Variants in MEMO1 observed in about 807,000 individuals in gnomAD.
The protein encoded by MEMO1 is mediator of cell motility 1.
In MEMO1, 6 loss-of-function variants were observed where a neutral mutation model predicts 45.2. The ratio of observed to expected loss-of-function variants is 0.13; its 90% confidence interval spans 0.07 to 0.26. MEMO1 has a LOEUF of 0.26. Among genes scored for constraint, MEMO1 ranks in the 10% least tolerant of loss-of-function variants. The pLI is 1.00. For synonymous variants in MEMO1, 78 were observed against 124.3 expected (o/e 0.63, Z 2.48); for missense variants, 184 against 370.5 (o/e 0.50, Z 4.13).
intron 2 of MEMO1, among the ~76,000 whole-genome samples, chr2:31,960,427 T>C (rs1207432923): frequency 6.6e-6 from 1 of 152,154 alleles, no homozygotes; most frequent in Non-Finnish European, 1.5e-5. Context: ...TCCTGTTTAC[T>C]GTAGCAAAAC....
At chr2:31,877,583 G>C (rs1353808627) in intron 8 of MEMO1, among the ~76,000 whole-genome samples, 1 of 152,172 alleles carries the variant, frequency 6.6e-6, no homozygotes, top group South Asian at 2.1e-4. Context: ...AGTGAGGGAA[G>C]ACTGTACTGG....
chr2:31,982,919 G>C (rs1367477807), intron 2 of MEMO1, among the ~76,000 whole-genome samples: 1 of 151,972 alleles, frequency 6.6e-6, no homozygotes, highest in Non-Finnish European at 1.5e-5. Context: ...TAGAGTTGGA[G>C]AAATGAGTAC....
intron 2 of MEMO1, among the ~76,000 whole-genome samples, chr2:31,997,764 G>A (rs915342089): frequency 4.6e-5 from 7 of 152,182 alleles, no homozygotes; most frequent in African/African-American, 1.7e-4. Context: ...GTGGTAAGAA[G>A]TTGGAATGTG....
chr2:31,992,873 A>G (rs1672118903), intron 2 of MEMO1, among the ~76,000 whole-genome samples: 1 of 152,210 alleles, frequency 6.6e-6, no homozygotes, highest in South Asian at 2.1e-4. Flanking sequence ...AAAAAACACT[A>G]AAGATAATAA....
At chr2:31,869,285 C>A (rs1413764973) in intron 9 of MEMO1, among the ~76,000 whole-genome samples, 1 of 152,046 alleles carries the variant, frequency 6.6e-6, no homozygotes, top group Non-Finnish European at 1.5e-5. Flanking sequence ...GTCATATTTT[C>A]ATTCAAGAAA....
chr2:31,880,171 C>T (rs1487773924), intron 8 of MEMO1, among the ~76,000 whole-genome samples: 1 of 152,120 alleles, frequency 6.6e-6, no homozygotes, highest in Non-Finnish European at 1.5e-5. Flanking sequence ...TACCCATTAA[C>T]CATTTGCTTT....
chr2:31,939,808 T>C (rs1445644539), intron 3 of MEMO1, among the ~76,000 whole-genome samples: 8 of 152,310 alleles, frequency 5.3e-5, no homozygotes, highest in East Asian at 1.9e-4. Flanking sequence ...CCTTACCATA[T>C]AGATACTATC....
chr2:31,919,535 G>A (rs1296185881), intron 5 of MEMO1, among the ~76,000 whole-genome samples: 1 of 151,984 alleles, frequency 6.6e-6, no homozygotes, highest in Non-Finnish European at 1.5e-5. Context: ...AATATAATTT[G>A]AGGCCAGGTA....
intron 3 of MEMO1, among the ~76,000 whole-genome samples, chr2:31,933,348 A>ATATATATATATATAT (rs869203385): frequency 3.1e-4 from 5 of 16,176 alleles, no homozygotes; most frequent in African/African-American, 9.7e-4. Flanking sequence ...AAAAAAAAAA[A>ATATATATATATATAT]ATTTATATAT....
intron 2 of MEMO1, among the ~76,000 whole-genome samples, chr2:31,983,847 G>T (rs1289705472): frequency 1.3e-5 from 2 of 152,314 alleles, no homozygotes; most frequent in East Asian, 3.9e-4. Flanking sequence ...GAAGCATCTT[G>T]AAGAAAGCAA....
At chr2:31,996,517 C>T (rs571563126) in intron 2 of MEMO1, among the ~76,000 whole-genome samples, 1 of 152,026 alleles carries the variant, frequency 6.6e-6, no homozygotes, top group Admixed American at 6.6e-5. Context: ...GCACTCCAGC[C>T]TGGGCAACAG....
chr2:31,933,351 TTATATATATA>T (rs370773425), intron 3 of MEMO1, among the ~76,000 whole-genome samples: 635 of 45,072 alleles, frequency 0.014, 28 homozygotes, highest in Middle Eastern at 0.11. Context: ...AAAAAAAAAT[TTATATATATA>T]TATATATATA....
chr2:31,906,742 C>T (rs555746707), intron 6 of MEMO1, among the ~76,000 whole-genome samples: 95 of 152,276 alleles, frequency 6.2e-4, no homozygotes, highest in Non-Finnish European at 8.1e-4. Flanking sequence ...TCAATTCCCT[C>T]CATAATCTGG....
At chr2:31,878,227 G>C (rs1270438971) in intron 8 of MEMO1, among the ~76,000 whole-genome samples, 3 of 152,082 alleles carry the variant, frequency 2.0e-5, no homozygotes, top group Non-Finnish European at 4.4e-5. Flanking sequence ...AGTGAAGGAA[G>C]AGTAAAAGTA....
chr2:31,990,916 C>T (rs1053086245), intron 2 of MEMO1, among the ~76,000 whole-genome samples: 2 of 152,052 alleles, frequency 1.3e-5, no homozygotes, highest in African/African-American at 4.8e-5. Context: ...TTTAGATATG[C>T]ACTATATTGA....
chr2:31,966,768 A>AAAT (rs1418145759), intron 2 of MEMO1, among the ~76,000 whole-genome samples: 2 of 151,866 alleles, frequency 1.3e-5, no homozygotes, highest in Admixed American at 6.6e-5. Context: ...AAGGGAGATA[A>AAAT]AATAAAATCT....
chr2:31,988,609 A>T (rs1355981875), intron 2 of MEMO1, among the ~76,000 whole-genome samples: 2 of 152,250 alleles, frequency 1.3e-5, no homozygotes, highest in African/African-American at 2.4e-5. Context: ...CATTAGCAGT[A>T]GCACCGAACT....
intron 2 of MEMO1, among the ~76,000 whole-genome samples, chr2:31,997,884 G>A (rs1672791355): frequency 6.6e-6 from 1 of 152,202 alleles, no homozygotes; most frequent in Admixed American, 6.5e-5. Context: ...TGGGCAACCA[G>A]TAGGAAGCTC....
intron 2 of MEMO1, among the ~76,000 whole-genome samples, chr2:31,994,883 G>T (rs1320579988): frequency 6.6e-6 from 1 of 151,832 alleles, no homozygotes; most frequent in African/African-American, 2.4e-5. Context: ...TGGAGGTCGA[G>T]GCTGCAGTGA....
Sources: allele counts gnomAD v4.1 joint callset (sites outside exome capture counted in the v4.1 genomes callset), GRCh38; gene constraint gnomAD v4.1.1; transcripts MANE v1.5; gene names NCBI Gene and HGNC (gene_info 2026-07-23, HGNC 2026-07-21).